CASQ2: variants seen among roughly 807,000 people sequenced by gnomAD.
The protein encoded by CASQ2 is calsequestrin-2.
A neutral mutation model predicts 46.5 loss-of-function variants in CASQ2; 49 were observed. That is an observed-to-expected ratio of 1.05 (90% CI 0.84 to 1.34). CASQ2 has a LOEUF of 1.34. Among genes scored for constraint, CASQ2 ranks in the 40% most tolerant of loss-of-function variants. The pLI is 0.00. For synonymous variants in CASQ2, 174 were observed against 168.5 expected (o/e 1.03, Z -0.25); for missense variants, 486 against 481.3 (o/e 1.01, Z -0.09).
intron 1 of CASQ2, among the ~76,000 whole-genome samples, chr1:115,748,349 T>C (rs920850303): frequency 6.6e-6 from 1 of 152,236 alleles, no homozygotes; most frequent in African/African-American, 2.4e-5. Flanking sequence ...CCAGACCTTT[T>C]CATCTGTTCC....
At chr1:115,751,443 C>T (rs1437631316) in intron 1 of CASQ2, among the ~76,000 whole-genome samples, 3 of 151,028 alleles carry the variant, frequency 2.0e-5, no homozygotes, top group East Asian at 1.9e-4. Flanking sequence ...GCGAGGCAGG[C>T]GGAACACGAG....
chr1:115,729,035 CTTTTTT>C (rs753965730), intron 5 of CASQ2, among the ~76,000 whole-genome samples: 8 of 68,860 alleles, frequency 1.2e-4, no homozygotes, highest in African/African-American at 4.5e-4. Flanking sequence ...CTCTTTCATT[CTTTTTT>C]TTTTTTTTTT....
chr1:115,767,371 A>G (rs967788175), intron 1 of CASQ2, among the ~76,000 whole-genome samples: 2 of 152,160 alleles, frequency 1.3e-5, no homozygotes, highest in Admixed American at 1.3e-4. Context: ...ATTTGAAAAA[A>G]TTCAAATCCA....
chr1:115,721,432 C>T (rs1647372600), intron 7 of CASQ2, among the ~76,000 whole-genome samples: 1 of 152,128 alleles, frequency 6.6e-6, no homozygotes, highest in Non-Finnish European at 1.5e-5. Flanking sequence ...TTTCTATGGC[C>T]TGCATCTTAA....
At chr1:115,714,293 G>C (rs1313870685) in intron 8 of CASQ2, among the ~76,000 whole-genome samples, 1 of 152,118 alleles carries the variant, frequency 6.6e-6, no homozygotes, top group East Asian at 1.9e-4. Flanking sequence ...GTATTTAGAG[G>C]TCAAGATAGC....
At chr1:115,729,318 G>A (rs1052930470) in intron 5 of CASQ2, among the ~76,000 whole-genome samples, 1 of 152,054 alleles carries the variant, frequency 6.6e-6, no homozygotes, top group Non-Finnish European at 1.5e-5. Context: ...CTCCCAAAGT[G>A]CTGGGATTAC....
chr1:115,705,728 A>T (rs1014430030), intron 8 of CASQ2, among the ~76,000 whole-genome samples: 2 of 152,196 alleles, frequency 1.3e-5, no homozygotes, highest in Non-Finnish European at 2.9e-5. Flanking sequence ...AGTTTTCTAC[A>T]ACCAGGAATT....
chr1:115,745,014 T>C (rs1648335240), intron 1 of CASQ2, 102 bp from the exon 2 acceptor site: 2 of 801,858 alleles, frequency 2.5e-6, no homozygotes, highest in Admixed American at 4.0e-5. Flanking sequence ...GTTTCCTCTA[T>C]ACTTGCTGTT....
intron 7 of CASQ2, among the ~76,000 whole-genome samples, chr1:115,724,504 TA>T (rs767052679): frequency 2.3e-4 from 35 of 152,296 alleles, no homozygotes; most frequent in Non-Finnish European, 3.8e-4. Context: ...TTTCTAGAGC[TA>T]TTGGAAGATC....
chr1:115,738,144 T>C, intron 4 of CASQ2, 80 bp downstream of exon 4: 1 of 851,246 alleles, frequency 1.2e-6, no homozygotes. Flanking sequence ...TGAAGACCCA[T>C]CCTCTTTTGG....
chr1:115,747,049 C>T (rs1016650329), intron 1 of CASQ2, among the ~76,000 whole-genome samples: 6 of 152,020 alleles, frequency 3.9e-5, no homozygotes, highest in African/African-American at 1.4e-4. Flanking sequence ...ATATTAAGTC[C>T]AAGAACTCTT....
intron 2 of CASQ2, among the ~76,000 whole-genome samples, chr1:115,741,985 A>ATG: frequency 6.6e-6 from 1 of 152,068 alleles, no homozygotes; most frequent in Non-Finnish European, 1.5e-5. Flanking sequence ...CCTCTGGCAC[A>ATG]TGGGCGGGAA....
At chr1:115,767,512 T>C (rs771608293) in intron 1 of CASQ2, among the ~76,000 whole-genome samples, 17 of 152,330 alleles carry the variant, frequency 1.1e-4, no homozygotes, top group Non-Finnish European at 2.1e-4. Flanking sequence ...TGGAGACTGA[T>C]GAGGCATCTT....
intron 3 of CASQ2, among the ~76,000 whole-genome samples, chr1:115,739,056 CTTT>C (rs563546083): frequency 4.6e-4 from 52 of 112,670 alleles, no homozygotes; most frequent in Middle Eastern, 4.7e-3. Flanking sequence ...TGATAGTTTT[CTTT>C]TTTTAAAAAA....
Position 115,717,899 on chromosome 1 carries a change from A to G in CASQ2, c.784-5T>C, listed in dbSNP as rs2101068877. The stretch of plus-strand genomic sequence containing the variant: ...GATCCCATTCAAATCATCTTCCTGT[A>G]TGAGAAAAGTAACAAAAGTTACACT... On this transcript the variant is annotated splice_polypyrimidine_tract_variant and splice_region_variant and intron_variant, in intron 7 of 10. Coordinates refer to ENST00000261448, the MANE Select transcript of CASQ2 (RefSeq NM_001232.4). The G allele has an allele frequency of 1.2e-6, 2 of 1,604,094 alleles. No homozygotes were observed. Among genetic ancestry groups the G allele is most frequent in the African/African-American group, 1.3e-5 (1 of 74,834 alleles).
At chr1:115,730,784 C>T (rs1004910976) in intron 5 of CASQ2, among the ~76,000 whole-genome samples, 20 of 152,170 alleles carry the variant, frequency 1.3e-4, no homozygotes, top group East Asian at 5.8e-4. Flanking sequence ...TTTTTGTGAC[C>T]GCATTAGTGC....
chr1:115,730,754 AGT>A (rs1203538413), intron 5 of CASQ2, among the ~76,000 whole-genome samples: 4 of 152,050 alleles, frequency 2.6e-5, no homozygotes, highest in African/African-American at 9.7e-5. Flanking sequence ...CACTTTTACT[AGT>A]GCCAGTTGTT....
intron 1 of CASQ2, among the ~76,000 whole-genome samples, chr1:115,755,474 C>T (rs1255867127): frequency 6.6e-6 from 1 of 152,140 alleles, no homozygotes. Flanking sequence ...TGAGGTGCTT[C>T]CTCTCATGGA....
At chr1:115,705,325 C>T (rs1037991632) in intron 8 of CASQ2, 33 bp from the exon 9 acceptor site, 40 of 1,357,130 alleles carry the variant, frequency 2.9e-5, no homozygotes, top group Non-Finnish European at 4.2e-5. Context: ...TGAGTAACCC[C>T]TGCACATACA....
Sources: gnomAD v4.1 joint callset for allele counts (sites outside exome capture counted in the v4.1 genomes callset) on GRCh38, gnomAD v4.1.1 for gene constraint, MANE v1.5 for transcripts, NCBI Gene and HGNC (gene_info 2026-07-23, HGNC 2026-07-21) for gene names.